The following HIPK2 variants were observed in gnomAD, a reference collection of about 807,000 sequenced individuals.
HIPK2 encodes the protein homeodomain-interacting protein kinase 2.
A neutral mutation model predicts 113.7 loss-of-function variants in HIPK2; 27 were observed. The observed-to-expected ratio is 0.24, with a 90% CI of 0.17 to 0.33. HIPK2 has a LOEUF of 0.33. Ranked by LOEUF, HIPK2 falls within the 10% of genes least tolerant of loss-of-function variation. The probability of loss-of-function intolerance (pLI) is 1.00; values close to 1 mark genes in which losing one functional copy is unlikely to be tolerated. For synonymous variants in HIPK2, 631 were observed against 642.2 expected (o/e 0.98, Z 0.26); for missense variants, 1,257 against 1,588.0 (o/e 0.79, Z 3.54).
intron 1 of HIPK2, 82 bp downstream of exon 1, chr7:139,777,523 G>T: frequency 3.5e-6 from 2 of 573,998 alleles, no homozygotes; most frequent in Non-Finnish European, 2.2e-6. Flanking sequence ...GGGGCTGCGG[G>T]CGCGGGGCCG....
At chr7:139,606,983 T>G (rs1401669085) in intron 9 of HIPK2, among the ~76,000 whole-genome samples, 1 of 152,178 alleles carries the variant, frequency 6.6e-6, no homozygotes, top group East Asian at 1.9e-4. Flanking sequence ...AAATCTATAA[T>G]TAATGCCTTT....
chr7:139,677,260 G>GACAC (rs71170909), intron 2 of HIPK2, among the ~76,000 whole-genome samples: 6,729 of 150,038 alleles, frequency 0.045, 447 homozygotes, highest in African/African-American at 0.15. Context: ...TATATATGGA[G>GACAC]ACACACACAC....
intron 2 of HIPK2, among the ~76,000 whole-genome samples, chr7:139,698,119 C>T (rs1282801081): frequency 1.3e-5 from 2 of 152,142 alleles, no homozygotes; most frequent in Non-Finnish European, 2.9e-5. Flanking sequence ...TCCATCTTGG[C>T]CTCCCAAAGC....
At chr7:139,695,344 A>G (rs1794530987) in intron 2 of HIPK2, among the ~76,000 whole-genome samples, 2 of 152,226 alleles carry the variant, frequency 1.3e-5, no homozygotes, top group South Asian at 2.1e-4. Flanking sequence ...GAACTGCACG[A>G]CTACTGTGTG....
rs1381605327 is a variant in HIPK2 at position 139,562,034 on chromosome 7, TATAAC to T, written c.*10888_*10892del. 6 of 152,214 alleles carry T rather than the reference TATAAC, an allele frequency of 3.9e-5. No individual in the cohort carries two copies. In the East Asian group the frequency reaches 1.2e-3, roughly 29 times the overall value. The allele number at this position is 152,214 out of a possible 1,614,324, so 9.4% of individuals were successfully genotyped here. On this transcript the variant is annotated 3_prime_UTR_variant, in exon 15 of 15. Coordinates refer to ENST00000406875, the MANE Select transcript of HIPK2 (RefSeq NM_022740.5). ...TAAAGCCAAGTAAAATATCCATTCT[TATAAC>T]ATACCTATAATATGAGACTAAGGAA...
At chr7:139,642,321 G>A (rs1585316126) in intron 2 of HIPK2, among the ~76,000 whole-genome samples, 1 of 152,230 alleles carries the variant, frequency 6.6e-6, no homozygotes, top group East Asian at 1.9e-4. Context: ...TTACAGTGAA[G>A]CAGCACAGGA....
chr7:139,743,831 G>C (rs1247555469), intron 1 of HIPK2, among the ~76,000 whole-genome samples: 2 of 152,102 alleles, frequency 1.3e-5, no homozygotes, highest in Non-Finnish European at 1.5e-5. Context: ...AAGACTACAG[G>C]GTTCTGCGAG....
intron 1 of HIPK2, among the ~76,000 whole-genome samples, chr7:139,755,886 CA>C (rs1796354019): frequency 6.6e-6 from 1 of 152,250 alleles, no homozygotes; most frequent in South Asian, 2.1e-4. Flanking sequence ...ATCTGCCCTT[CA>C]GATACTGCTT....
Position 139,620,592 on chromosome 7 carries a change from G to GAGAC in HIPK2, c.1620-33_1620-30dup, listed in dbSNP as rs754966488. Reference sequence around the variant, plus strand: ...TTCATGCAAAAGGCAGAGGCATATTGAGACATAAGGGGAGGGGAAGAGGGT... The same window carrying GAGAC: ...TTCATGCAAAAGGCAGAGGCATATTGAGACAGACATAAGGGGAGGGGAAGAGGGT... On this transcript the variant is annotated intron_variant, in intron 6 of 14. Transcript: ENST00000406875. The GAGAC allele has an allele frequency of 4.3e-5, 70 of 1,611,380 alleles. No individual in the cohort carries two copies. The African/African-American group carries it at 8.8e-4, about 20-fold the overall frequency.
rs535719127 is a variant in HIPK2 at position 139,747,443 on chromosome 7, G to A, written c.19+30162C>T. Among the ~76,000 whole-genome samples the A allele has an allele frequency of 5.9e-5, 9 of 152,240 alleles. No individual in the cohort carries two copies. In the South Asian group the frequency reaches 1.5e-3, roughly 25 times the overall value. ...CTTGAAACCTGCAAAGAAACATCTCGGTCTGCCCATATCCAGAGACCCAGC... is the reference window on the plus strand; with the variant it reads ...CTTGAAACCTGCAAAGAAACATCTCAGTCTGCCCATATCCAGAGACCCAGC... On this transcript the variant is annotated intron_variant, in intron 1 of 14. Transcript: ENST00000406875.
intron 9 of HIPK2, among the ~76,000 whole-genome samples, chr7:139,607,526 G>A (rs1799661741): frequency 6.6e-6 from 1 of 152,118 alleles, no homozygotes; most frequent in African/African-American, 2.4e-5. Flanking sequence ...TATAGCTCTG[G>A]AAGGGTTTGG....
At chr7:139,635,673 T>C (rs1159775332) in intron 2 of HIPK2, among the ~76,000 whole-genome samples, 1 of 151,918 alleles carries the variant, frequency 6.6e-6, no homozygotes, top group Middle Eastern at 3.2e-3. Context: ...TCTGGCTAGG[T>C]GGCTGGGAGA....
intron 1 of HIPK2, among the ~76,000 whole-genome samples, chr7:139,728,725 A>G (rs1313725142): frequency 6.6e-6 from 1 of 152,248 alleles, no homozygotes; most frequent in African/African-American, 2.4e-5. Flanking sequence ...TTTTAAGGAA[A>G]CCAAAAGCAT....
At chr7:139,665,605 T>TCCAC (rs550011751) in intron 2 of HIPK2, among the ~76,000 whole-genome samples, 11,028 of 149,554 alleles carry the variant, frequency 0.074, 480 homozygotes, top group South Asian at 0.11. Flanking sequence ...CATCCATCCA[T>TCCAC]CCACCCATGG....
chr7:139,720,508 CA>C (rs1795375539), intron 1 of HIPK2, among the ~76,000 whole-genome samples: 3 of 152,262 alleles, frequency 2.0e-5, no homozygotes, highest in Non-Finnish European at 4.4e-5. Flanking sequence ...ATCCGTACTT[CA>C]CCCGTTTCTT....
At chr7:139,647,325 T>C (rs1182641989) in intron 2 of HIPK2, among the ~76,000 whole-genome samples, 2 of 152,120 alleles carry the variant, frequency 1.3e-5, no homozygotes, top group African/African-American at 4.8e-5. Flanking sequence ...TGTGGTTTCA[T>C]TATCTTCTTT....
intron 2 of HIPK2, among the ~76,000 whole-genome samples, chr7:139,656,985 C>A (rs1267214727): frequency 6.6e-6 from 1 of 152,180 alleles, no homozygotes; most frequent in African/African-American, 2.4e-5. Flanking sequence ...ATTCTCCTGC[C>A]TCAGCCTCTC....
chr7:139,771,072 C>T (rs919909357), intron 1 of HIPK2, among the ~76,000 whole-genome samples: 4 of 152,142 alleles, frequency 2.6e-5, no homozygotes, highest in African/African-American at 9.7e-5. Flanking sequence ...AGAGGGAGGA[C>T]TACCCTCTGA....
chr7:139,687,548 T>G (rs1198848472), intron 2 of HIPK2, among the ~76,000 whole-genome samples: 1 of 152,224 alleles, frequency 6.6e-6, no homozygotes, highest in African/African-American at 2.4e-5. Context: ...TATTTAATGT[T>G]GCTTAAGAAT....
Sources: gnomAD v4.1 joint callset for allele counts (sites outside exome capture counted in the v4.1 genomes callset) on GRCh38, gnomAD v4.1.1 for gene constraint, MANE v1.5 for transcripts, NCBI Gene and HGNC (gene_info 2026-07-23, HGNC 2026-07-21) for gene names.